Variants in TACR1 observed in about 807,000 individuals in gnomAD.
TACR1 encodes the protein tachykinin receptor 1, also known as substance-P receptor.
In TACR1, 25 loss-of-function variants were observed where a neutral mutation model predicts 35.8. The ratio of observed to expected loss-of-function variants is 0.70; its 90% confidence interval spans 0.51 to 0.98. The LOEUF (loss-of-function observed/expected upper bound fraction) is 0.98, where lower values mean the gene tolerates loss of function less well. Among genes scored for constraint, TACR1 ranks in the 50% least tolerant of loss-of-function variants. TACR1 has a pLI of 0.00. For synonymous variants in TACR1, 195 were observed against 206.7 expected (o/e 0.94, Z 0.48); for missense variants, 478 against 522.9 (o/e 0.91, Z 0.84).
intron 2 of TACR1, among the ~76,000 whole-genome samples, chr2:75,118,485 G>A (rs1673905538): frequency 6.6e-6 from 1 of 152,098 alleles, no homozygotes; most frequent in Non-Finnish European, 1.5e-5. Flanking sequence ...AATTCTCAAA[G>A]CAAGGAAATA....
intron 2 of TACR1, among the ~76,000 whole-genome samples, chr2:75,082,610 T>C (rs1256702937): frequency 5.3e-5 from 8 of 152,036 alleles, no homozygotes; most frequent in African/African-American, 1.7e-4. Flanking sequence ...TTTTAATGAT[T>C]GCCATTCTAA....
At chr2:75,052,349 G>A (rs1270854197) in intron 3 of TACR1, among the ~76,000 whole-genome samples, 2 of 152,246 alleles carry the variant, frequency 1.3e-5, no homozygotes, top group South Asian at 2.1e-4. Flanking sequence ...TTGATCTTGG[G>A]CCTTTCAGCC....
intron 2 of TACR1, among the ~76,000 whole-genome samples, chr2:75,079,174 C>A (rs1395928802): frequency 2.0e-5 from 3 of 152,150 alleles, no homozygotes; most frequent in African/African-American, 2.4e-5. Flanking sequence ...TAATTTTGCT[C>A]TCTGGAGCAA....
chr2:75,108,106 C>T (rs1424522529), intron 2 of TACR1, among the ~76,000 whole-genome samples: 1 of 151,932 alleles, frequency 6.6e-6, no homozygotes, highest in Non-Finnish European at 1.5e-5. Context: ...GGCTCAAGGG[C>T]GAGCTGGTTT....
chr2:75,083,412 C>T (rs1673130540), intron 2 of TACR1, among the ~76,000 whole-genome samples: 1 of 152,122 alleles, frequency 6.6e-6, no homozygotes, highest in South Asian at 2.1e-4. Context: ...AATGTGGGCT[C>T]TTTTTTGGTT....
chr2:75,132,255 C>T (rs891779223), intron 1 of TACR1, among the ~76,000 whole-genome samples: 6 of 152,144 alleles, frequency 3.9e-5, no homozygotes, highest in Non-Finnish European at 8.8e-5. Context: ...AACAACCTGT[C>T]AACTAAGACA....
At chr2:75,198,413 A>T in intron 1 of TACR1, 133 bp downstream of exon 1, 2 of 997,960 alleles carry the variant, frequency 2.0e-6, no homozygotes, top group South Asian at 3.4e-5. Context: ...CAAATGACTC[A>T]GTTGATCAGT....
chr2:75,100,895 A>G (rs2103871458), intron 2 of TACR1, among the ~76,000 whole-genome samples: 1 of 152,340 alleles, frequency 6.6e-6, no homozygotes, highest in Middle Eastern at 3.4e-3. Flanking sequence ...GTCCCCTGAA[A>G]TAGATTACTA....
At chr2:75,176,571 A>G (rs1477038126) in intron 1 of TACR1, among the ~76,000 whole-genome samples, 1 of 152,076 alleles carries the variant, frequency 6.6e-6, no homozygotes, top group Non-Finnish European at 1.5e-5. Flanking sequence ...GGACTTTCCC[A>G]GAAGATTTCT....
chr2:75,177,216 A>G (rs1675442935), intron 1 of TACR1, among the ~76,000 whole-genome samples: 1 of 150,860 alleles, frequency 6.6e-6, no homozygotes, highest in Admixed American at 6.6e-5. Context: ...TGTTGAAGCC[A>G]TTTCTTGACT....
chr2:75,051,590 G>C, intron 3 of TACR1, 143 bp from the exon 4 acceptor site: 1 of 1,474,904 alleles, frequency 6.8e-7, no homozygotes, highest in South Asian at 1.4e-5. Context: ...GGAGGAGAAA[G>C]GATCTTTACT....
chr2:75,187,588 T>C (rs1160991929), intron 1 of TACR1: 3 of 152,228 alleles, frequency 2.0e-5, no homozygotes, highest in African/African-American at 7.2e-5. Context: ...AAGATACAAA[T>C]GGGACCTTGG....
chr2:75,128,603 G>A lies in TACR1; in HGVS notation c.390-7835C>T, dbSNP rs79971564. ...CACAATAAAATGCTACCCCTCAGGG[G>A]TGGGACTGGGGTTGGGAGTGGCTGG... On this transcript the variant is annotated intron_variant, in intron 1 of 4. Coordinates refer to ENST00000305249, the MANE Select transcript of TACR1 (RefSeq NM_001058.4). 5.9e-3 allele frequency among the ~76,000 whole-genome samples: 903 copies of A among 152,268 alleles called. 8 individuals carry two copies. The highest frequency in any genetic ancestry group is 0.02 in the African/African-American group (839 of 41,550).
intron 1 of TACR1, among the ~76,000 whole-genome samples, chr2:75,194,302 A>G (rs72809343): frequency 6.6e-6 from 1 of 152,286 alleles, no homozygotes; most frequent in Non-Finnish European, 1.5e-5. Context: ...CTGACATTGG[A>G]AAAGACAGGG....
At chr2:75,074,384 A>G (rs542523938) in intron 2 of TACR1, among the ~76,000 whole-genome samples, 2 of 152,276 alleles carry the variant, frequency 1.3e-5, no homozygotes, top group African/African-American at 4.8e-5. Context: ...ATAGGCATCT[A>G]TCTGGAGCCC....
intron 1 of TACR1, among the ~76,000 whole-genome samples, chr2:75,151,726 C>T (rs952527494): frequency 6.6e-6 from 1 of 152,148 alleles, no homozygotes; most frequent in Non-Finnish European, 1.5e-5. Flanking sequence ...CCACCATCCT[C>T]CAGACCCCAG....
At chr2:75,140,891 T>G (rs1487239535) in intron 1 of TACR1, among the ~76,000 whole-genome samples, 1 of 152,216 alleles carries the variant, frequency 6.6e-6, no homozygotes, top group East Asian at 1.9e-4. Context: ...ACAGTCTTGA[T>G]GAAGCCCAAA....
intron 2 of TACR1, among the ~76,000 whole-genome samples, chr2:75,061,119 C>T (rs1374839698): frequency 2.0e-5 from 3 of 151,270 alleles, no homozygotes. Flanking sequence ...CATAAGAAGA[C>T]AAGCGGATGC....
chr2:75,049,723 C>T lies in TACR1; in HGVS notation c.933G>A (p.Arg311=). 1 of 1,611,456 alleles carries T rather than the reference C, an allele frequency of 6.2e-7. No homozygotes were observed. The highest frequency in any genetic ancestry group is 8.5e-7 in the Non-Finnish European group (1 of 1,178,276). The change falls in exon 5 of 5, where the codon AGG becomes AGA. Residue 311 remains arginine (R), a splice_region_variant and synonymous_variant. Coordinates refer to ENST00000305249, the MANE Select transcript of TACR1 (RefSeq NM_001058.4). The stretch of plus-strand genomic sequence containing the variant: ...AGGCATGCTTGAAGCCCAGACGGAA[C>T]CTGGAGAGCGAGCAGATGAAGAGGT... ...NPIIYCCLND[R]FRLGFKHAFR...
Sources: gnomAD v4.1 joint callset for allele counts (sites outside exome capture counted in the v4.1 genomes callset) on GRCh38, gnomAD v4.1.1 for gene constraint, MANE v1.5 for transcripts, NCBI Gene and HGNC (gene_info 2026-07-23, HGNC 2026-07-21) for gene names.